Variants in SETD9 observed in about 807,000 individuals in gnomAD.
SETD9 encodes SET domain containing 9.
A neutral mutation model predicts 36.4 loss-of-function variants in SETD9; 37 were observed. The ratio of observed to expected loss-of-function variants is 1.02; its 90% CI spans 0.78 to 1.34. The LOEUF (loss-of-function observed/expected upper bound fraction) is 1.34, where lower values mean the gene tolerates loss of function less well. SETD9 is among the 40% of genes most tolerant of loss of function. SETD9 has a pLI of 0.00. For synonymous variants in SETD9, 128 were observed against 132.9 expected, an observed-to-expected ratio of 0.96 and a Z score of 0.26; for missense variants, 323 against 353.2, an observed-to-expected ratio of 0.91 and a Z score of 0.69.
At chr5:56,916,117 G>C (rs1323215718) in intron 5 of SETD9, among the ~76,000 whole-genome samples, 1 of 152,104 alleles carries the variant, frequency 6.6e-6, no homozygotes, top group Non-Finnish European at 1.5e-5. Context: ...ATCTAGGCTG[G>C]GTGCGGTGGC....
intron 5 of SETD9, chr5:56,923,213 T>G: frequency 5.6e-6 from 9 of 1,614,062 alleles, no homozygotes; most frequent in African/African-American, 1.3e-5. Flanking sequence ...ACTGCCAAAG[T>G]CAGCCACAGA....
chr5:56,913,782 GA>G, intron 3 of SETD9, 91 bp from the exon 4 acceptor site: 1 of 513,344 alleles, frequency 1.9e-6, no homozygotes, highest in Non-Finnish European at 3.2e-6. Context: ...TTTTTTTTAA[GA>G]AAAAATGCAC....
At chr5:56,923,079 C>T in intron 5 of SETD9, 1 of 1,527,210 alleles carries the variant, frequency 6.5e-7, no homozygotes, top group Non-Finnish European at 9.0e-7. Context: ...TGATAGCTCC[C>T]CTCAAGTTTA....
chr5:56,909,942 G>A, intron 1 of SETD9, 199 bp downstream of exon 1: 3 of 1,123,606 alleles, frequency 2.7e-6, no homozygotes, highest in Non-Finnish European at 3.6e-6. Flanking sequence ...GCGGGCCAGA[G>A]GCGGGCGGGG....
downstream of SETD9, chr5:56,919,637 A>G (rs1206678738): frequency 4.6e-5 from 7 of 152,656 alleles, no homozygotes; most frequent in East Asian, 1.3e-3. Flanking sequence ...GGAACTGTAC[A>G]CCAGGTATTA....
At chr5:56,919,719 G>C (rs578019309), downstream of SETD9, 13 of 152,652 alleles carry the variant, frequency 8.5e-5, no homozygotes, top group South Asian at 2.7e-3. Context: ...CAATGCAATA[G>C]CAACTTCCTC....
downstream of SETD9, among the ~76,000 whole-genome samples, chr5:56,926,448 GA>G (rs201465195): frequency 6.7e-6 from 1 of 148,476 alleles, no homozygotes; most frequent in Non-Finnish European, 1.5e-5. Flanking sequence ...ATGAACACCT[GA>G]AAAAAAAACA....
At chr5:56,909,780 C>T in intron 1 of SETD9, 37 bp downstream of exon 1, 1 of 1,570,416 alleles carries the variant, frequency 6.4e-7, no homozygotes, top group South Asian at 1.1e-5. Flanking sequence ...GGGCACCTGC[C>T]TTCGGTTCCC....
At position 56,914,941 on chromosome 5, in the gene SETD9, A is replaced by G; in HGVS notation, c.787A>G (p.Ile263Val). 1 of 1,595,196 alleles carries G rather than the reference A, an allele frequency of 6.3e-7. No individual in the cohort carries two copies. Among genetic ancestry groups the G allele is most frequent in the Non-Finnish European group, 8.6e-7 (1 of 1,167,282 alleles). Residue 263 changes from isoleucine (I) to valine (V), a missense_variant, in exon 5 of 6, where the codon ATT (isoleucine) becomes GTT (valine). Coordinates refer to ENST00000285947, the MANE Select transcript of SETD9 (RefSeq NM_153706.4). The stretch of plus-strand genomic sequence containing the variant: ...AGAACTGAAGCAGTATCTTCCAAAC[A>G]TTGCCTACAGCTATGACAAACAAAG... The part of the protein sequence containing the change: ...PIELKQYLPN[I>V]AYSYDKQSPL...
downstream of SETD9, chr5:56,921,524 T>G (rs898615457): frequency 1.0e-4 from 16 of 152,730 alleles, no homozygotes; most frequent in African/African-American, 3.8e-4. Context: ...CGTAAACACT[T>G]CAAAGCAATC....
At chr5:56,919,128 T>TC (rs1749546444), downstream of SETD9, among the ~76,000 whole-genome samples, 1 of 120,558 alleles carries the variant, frequency 8.3e-6, no homozygotes, top group Non-Finnish European at 1.8e-5. Context: ...TGGGACTTCT[T>TC]TTTTTTTTTT....
chr5:56,911,426 C>T lies in SETD9; in HGVS notation c.356C>T (p.Thr119Ile). 1 of 1,613,560 alleles carries T rather than the reference C, an allele frequency of 6.2e-7. No individual in the cohort carries two copies. Among genetic ancestry groups the T allele is most frequent in the Non-Finnish European group, 8.5e-7 (1 of 1,179,848 alleles). The change falls in exon 2 of 6, where the codon ACT becomes ATT. Residue 119 changes from threonine to isoleucine, a missense_variant. Thr to Ile is a moderately conservative substitution (Grantham distance 89). Transcript: ENST00000285947. ...TFKPEEILYKTLGFSVAQATS... is the reference protein window; with the variant it reads ...TFKPEEILYKILGFSVAQATS... ...AAACCAGAAGAAATTCTTTACAAGA[C>T]TTTGGGTTTCAGTGTTGCCCAAGCA...
chr5:56,923,055 A>C (rs1311731155), intron 5 of SETD9: 24 of 1,299,252 alleles, frequency 1.8e-5, no homozygotes, highest in Middle Eastern at 2.5e-4. Flanking sequence ...TTCCAGTGAA[A>C]GACTATGCAA....
chr5:56,912,895 T>C, intron 2 of SETD9, 116 bp from the exon 3 acceptor site: 1 of 1,155,224 alleles, frequency 8.7e-7, no homozygotes, highest in Non-Finnish European at 1.2e-6. Context: ...CGTTCACGCT[T>C]TAAGAGGGAG....
At chr5:56,928,238 A>T (rs1750094651), downstream of SETD9, 1 of 152,254 alleles carries the variant, frequency 6.6e-6, no homozygotes, top group African/African-American at 2.4e-5. Context: ...TTATTTAATT[A>T]TACGGTAAGA....
At chr5:56,923,770 G>C (rs745722969) in intron 5 of SETD9, 8 of 1,614,142 alleles carry the variant, frequency 5.0e-6, no homozygotes, top group Non-Finnish European at 6.8e-6. Flanking sequence ...TAGAAGTTAA[G>C]GCTGAAGCAT....
At chr5:56,909,316 G>C (rs1748965005), upstream of SETD9, 3 of 231,850 alleles carry the variant, frequency 1.3e-5, no homozygotes, top group Non-Finnish European at 2.5e-5. Context: ...TCTCGGGGGC[G>C]GGTTCGCCCC....
intron 2 of SETD9, chr5:56,912,251 C>T: frequency 1.0e-6 from 1 of 984,864 alleles, no homozygotes; most frequent in Non-Finnish European, 1.2e-6. Context: ...CCTTTCTACA[C>T]TTGGAAAGTA....
chr5:56,926,373 C>T (rs922781074), downstream of SETD9, among the ~76,000 whole-genome samples: 8 of 151,436 alleles, frequency 5.3e-5, no homozygotes, highest in African/African-American at 1.9e-4. Flanking sequence ...CCAAAATATA[C>T]AAATAACTCC....
Sources: gnomAD v4.1 joint callset for allele counts (sites outside exome capture counted in the v4.1 genomes callset) on GRCh38, gnomAD v4.1.1 for gene constraint, MANE v1.5 for transcripts, NCBI Gene and HGNC (gene_info 2026-07-23, HGNC 2026-07-21) for gene names.